The following TMEM265 variants were observed in gnomAD, a reference collection of about 807,000 sequenced individuals.
TMEM265 encodes the protein transmembrane protein 265.
In TMEM265, 8 loss-of-function variants were observed where a neutral mutation model predicts 9.5. The observed-to-expected ratio is 0.84, with a 90% CI of 0.49 to 1.52. The LOEUF (loss-of-function observed/expected upper bound fraction) is 1.52. TMEM265 is among the 40% of genes most tolerant of loss of function. TMEM265 has a pLI of 0.00. For missense variants in TMEM265, 152 were observed against 146.2 expected (o/e 1.04, Z -0.21); for synonymous variants, 53 against 56.9 (o/e 0.93, Z 0.31).
At position 30,744,042 on chromosome 16, in the gene TMEM265, T is replaced by G; in HGVS notation, c.*99T>G. 7.3e-7 allele frequency: 1 copy of G among 1,365,314 alleles called. No homozygotes were observed. The highest frequency in any genetic ancestry group is 9.8e-7 in the Non-Finnish European group (1 of 1,023,104). The allele number at this position is 1,365,314 out of a possible 1,614,324, so 84.6% of individuals were successfully genotyped here. A position where few individuals can be genotyped will look rare whatever the true frequency, so the allele number is the denominator to read the frequency against. ...ACAGCAGTGGTTGGAAGGATCCTGG[T>G]TGGAAGGATGGGGACTCTCTCAAGG... is the stretch of plus-strand genomic sequence containing the variant. On this transcript the variant is annotated 3_prime_UTR_variant, in exon 3 of 3. Coordinates refer to ENST00000615541, the MANE Select transcript of TMEM265 (RefSeq NM_001256829.2).
At chr16:30,742,755 G>A (rs889788638) in intron 2 of TMEM265, among the ~76,000 whole-genome samples, 1 of 151,518 alleles carries the variant, frequency 6.6e-6, no homozygotes, top group Non-Finnish European at 1.5e-5. Context: ...GTAAAACCCC[G>A]TCTCTACTAA....
In TMEM265 at chr16:30,743,809, T is replaced by C. The variant is rs2151303261; in HGVS notation, c.193T>C (p.Ser65Pro). The change falls in exon 3 of 3, where the codon TCC becomes CCC. Residue 65 changes from serine to proline, a missense_variant. Transcript: ENST00000615541. ...GGAAGAGCGGCATAAAGCAGGCCGG[T>C]CCGAGGAGGCAGTGCGCTGGGGGGC... Reference protein sequence around the residue: ...KAEERHKAGRSEEAVRWGARA... With the variant: ...KAEERHKAGRPEEAVRWGARA... 6.5e-7 allele frequency: 1 copy of C among 1,533,272 alleles called. No homozygotes were observed. The highest frequency in any genetic ancestry group is 8.7e-7 in the Non-Finnish European group (1 of 1,146,384). 95.0% of individuals were successfully genotyped at this position (1,533,272 alleles called of 1,614,324 possible). A position where few individuals can be genotyped will look rare whatever the true frequency, so the allele number is the denominator to read the frequency against.
rs1188642998 is a variant in TMEM265, at chr16:30,741,891, C to G, written c.148C>G (p.Leu50Val). The G allele has an allele frequency of 6.5e-7, 1 of 1,533,854 alleles. No individual in the cohort carries two copies. The highest frequency in any genetic ancestry group is 8.7e-7 in the Non-Finnish European group (1 of 1,146,690). Residue 50 changes from leucine to valine, a missense_variant, in exon 2 of 3, where the codon CTG becomes GTG. Coordinates refer to ENST00000615541, the MANE Select transcript of TMEM265 (RefSeq NM_001256829.2). ...CTGCTCTTGCCTGGGAGTCATGGCTCTGGTGTTTGCCATCAAGGTGAGGAG... is the reference window on the plus strand; with the variant it reads ...CTGCTCTTGCCTGGGAGTCATGGCTGTGGTGTTTGCCATCAAGGTGAGGAG... ...CGCSCLGVMA[L>V]VFAIKAEERH... is the part of the protein sequence containing the mutation.
chr16:30,743,694 C>G (rs562059827), intron 2 of TMEM265, 88 bp from the exon 3 acceptor site: 13 of 1,394,838 alleles, frequency 9.3e-6, no homozygotes, highest in Non-Finnish European at 1.2e-5. Flanking sequence ...GATTTTGATC[C>G]GTGACAGGGA....
In TMEM265 at chr16:30,741,927, A is replaced by G; in HGVS notation, c.165+19A>G. On this transcript the variant is annotated intron_variant, in intron 2 of 2. Coordinates refer to ENST00000615541, the MANE Select transcript of TMEM265 (RefSeq NM_001256829.2). ...CATCAAGGTGAGGAGTGCAATTCCCATGGGAATGGGGGTGGGTATAAGGCA... is the reference window on the plus strand; with the variant it reads ...CATCAAGGTGAGGAGTGCAATTCCCGTGGGAATGGGGGTGGGTATAAGGCA... 1 of 1,531,966 alleles carries G rather than the reference A, an allele frequency of 6.5e-7. No individual in the cohort carries two copies. Among genetic ancestry groups the G allele is most frequent in the South Asian group, 1.2e-5 (1 of 83,918 alleles). 94.9% of individuals were successfully genotyped at this position (1,531,966 alleles called of 1,614,324 possible). A position where few individuals can be genotyped will look rare whatever the true frequency, so the allele number is the denominator to read the frequency against.
chr16:30,741,795 C>A lies in TMEM265; in HGVS notation c.52C>A (p.His18Asn), dbSNP rs745894494. 1 of 1,531,800 alleles carries A rather than the reference C, an allele frequency of 6.5e-7. No homozygotes were observed. The highest frequency in any genetic ancestry group is 1.4e-5 in the African/African-American group (1 of 72,478). 94.9% of individuals were successfully genotyped at this position (1,531,800 alleles called of 1,614,324 possible). Residue 18 changes from histidine to asparagine, a missense_variant, in exon 2 of 3, where the codon CAT (histidine) becomes AAT (asparagine). Physicochemically the swap from His to Asn is moderately conservative, Grantham distance 68. Transcript: ENST00000615541. ...VEILGNTEAAHPPSPIRCCWL... is the reference protein window; with the variant it reads ...VEILGNTEAANPPSPIRCCWL... Reference sequence around the variant, plus strand: ...GATCTTGGGCAACACGGAAGCTGCTCATCCTCCATCCCCCATCCGCTGCTG... The same window carrying A: ...GATCTTGGGCAACACGGAAGCTGCTAATCCTCCATCCCCCATCCGCTGCTG...
intron 2 of TMEM265, among the ~76,000 whole-genome samples, chr16:30,743,113 G>A (rs748730068): frequency 6.6e-6 from 1 of 152,066 alleles, no homozygotes; most frequent in Non-Finnish European, 1.5e-5. Flanking sequence ...GAGGCTGGGC[G>A]CAGTGGCTCA....
At chr16:30,740,948 T>TG (rs1316032967) in intron 1 of TMEM265, 3 of 152,106 alleles carry the variant, frequency 2.0e-5, no homozygotes, top group African/African-American at 7.2e-5. Context: ...GGGGAATGGT[T>TG]GGAGATAAGG....
intron 1 of TMEM265, chr16:30,741,058 T>C (rs2053219796): frequency 6.6e-6 from 1 of 152,232 alleles, no homozygotes; most frequent in East Asian, 1.9e-4. Context: ...TGTGTGGTAA[T>C]GAGGTCATTT....
intron 1 of TMEM265, chr16:30,741,373 C>T (rs2053223545): frequency 5.8e-6 from 1 of 171,824 alleles, no homozygotes; most frequent in Non-Finnish European, 1.2e-5. Context: ...ATTGTAGAGT[C>T]CTTTGAAATA....
chr16:30,742,971 G>C (rs2053234651), intron 2 of TMEM265, among the ~76,000 whole-genome samples: 1 of 151,164 alleles, frequency 6.6e-6, no homozygotes, highest in Non-Finnish European at 1.5e-5. Flanking sequence ...CTTTAGGAAA[G>C]GCTACACAGG....
chr16:30,742,117 G>A (rs2053230438), intron 2 of TMEM265, among the ~76,000 whole-genome samples: 1 of 152,324 alleles, frequency 6.6e-6, no homozygotes, highest in Non-Finnish European at 1.5e-5. Flanking sequence ...ATAGAATGCA[G>A]TTCATCAGTA....
Position 30,741,914 on chromosome 16 carries a change from G to A in TMEM265, c.165+6G>A. On this transcript the variant is annotated splice_donor_region_variant and intron_variant, in intron 2 of 2. Transcript: ENST00000615541. ...CTCTGGTGTTTGCCATCAAGGTGAG[G>A]AGTGCAATTCCCATGGGAATGGGGG... is the stretch of plus-strand genomic sequence containing the variant. 2 of 1,533,572 alleles carry A rather than the reference G, an allele frequency of 1.3e-6. No individual in the cohort carries two copies. The highest frequency in any genetic ancestry group is 8.7e-7 in the Non-Finnish European group (1 of 1,146,376). 95.0% of individuals were successfully genotyped at this position (1,533,572 alleles called of 1,614,324 possible).
Position 30,744,068 on chromosome 16 carries a change from G to C in TMEM265, c.*125G>C. Reference sequence around the variant, plus strand: ...TGGAAGGATGGGGACTCTCTCAAGGGGCTTTGGAAGAGCTCTTCTAGCCCT... The same window carrying C: ...TGGAAGGATGGGGACTCTCTCAAGGCGCTTTGGAAGAGCTCTTCTAGCCCT... On this transcript the variant is annotated 3_prime_UTR_variant, in exon 3 of 3. Coordinates refer to ENST00000615541, the MANE Select transcript of TMEM265 (RefSeq NM_001256829.2). 8.8e-7 allele frequency: 1 copy of C among 1,142,350 alleles called. No individual in the cohort carries two copies. Among genetic ancestry groups the C allele is most frequent in the Non-Finnish European group, 1.2e-6 (1 of 830,758 alleles). The allele number at this position is 1,142,350 out of a possible 1,614,324, so 70.8% of individuals were successfully genotyped here.
At position 30,741,882 on chromosome 16, in the gene TMEM265, G is replaced by A; in HGVS notation, c.139G>A (p.Val47Ile). 1 of 1,533,954 alleles carries A rather than the reference G, an allele frequency of 6.5e-7. No individual in the cohort carries two copies. Among genetic ancestry groups the A allele is most frequent in the Non-Finnish European group, 8.7e-7 (1 of 1,146,736 alleles). ...TATCTGTGGCTGCTCTTGCCTGGGA[G>A]TCATGGCTCTGGTGTTTGCCATCAA... ...SIICGCSCLG[V>I]MALVFAIKAE... Residue 47 changes from valine to isoleucine, a missense_variant, in exon 2 of 3, where the codon GTC becomes ATC. By Grantham distance (29) the Val-to-Ile change is conservative (BLOSUM62 3). Transcript: ENST00000615541.
rs1219407720 is a variant in TMEM265 at position 30,743,445 on chromosome 16, G to A, written c.166-337G>A. Among the ~76,000 whole-genome samples, 5 of 152,118 alleles carry A rather than the reference G, an allele frequency of 3.3e-5. 1 individual carries two copies. Among genetic ancestry groups the A allele is most frequent in the African/African-American group, 1.2e-4 (5 of 41,424 alleles). ...GGGCTATGAGAATGAGGTGGTGTTTGGGCATGAGTGAAGTTACTCTAGCCT... is the reference window on the plus strand; with the variant it reads ...GGGCTATGAGAATGAGGTGGTGTTTAGGCATGAGTGAAGTTACTCTAGCCT... On this transcript the variant is annotated intron_variant, in intron 2 of 2. Transcript: ENST00000615541.
In TMEM265 at chr16:30,744,012, C is replaced by T; in HGVS notation, c.*69C>T. The T allele has an allele frequency of 1.4e-6, 2 of 1,466,514 alleles. No individual in the cohort carries two copies. Among genetic ancestry groups the T allele is most frequent in the Middle Eastern group, 2.5e-4 (1 of 4,062 alleles). 90.8% of individuals were successfully genotyped at this position (1,466,514 alleles called of 1,614,324 possible). A position where few individuals can be genotyped will look rare whatever the true frequency, so the allele number is the denominator to read the frequency against. On this transcript the variant is annotated 3_prime_UTR_variant, in exon 3 of 3. Coordinates refer to ENST00000615541, the MANE Select transcript of TMEM265 (RefSeq NM_001256829.2). ...CCTGCAATGCGGCATTGCTAAGGTCCTGTGACAGCAGTGGTTGGAAGGATC... is the reference window on the plus strand; with the variant it reads ...CCTGCAATGCGGCATTGCTAAGGTCTTGTGACAGCAGTGGTTGGAAGGATC...
At chr16:30,741,388 T>C (rs1351875190) in intron 1 of TMEM265, 1 of 188,954 alleles carries the variant, frequency 5.3e-6, no homozygotes, top group Non-Finnish European at 1.1e-5. Context: ...GAAATACAGA[T>C]TAAAATAACA....
chr16:30,743,951 T>C lies in TMEM265; in HGVS notation c.*8T>C, dbSNP rs2053241007. On this transcript the variant is annotated 3_prime_UTR_variant, in exon 3 of 3. Coordinates refer to ENST00000615541, the MANE Select transcript of TMEM265 (RefSeq NM_001256829.2). ...ATCGCTCAGGCTGAGTGACCCTGGA[T>C]GGCCTCTGCTGAGAGCCAGCCGAGA... The C allele has an allele frequency of 7.8e-6, 12 of 1,531,886 alleles. No homozygotes were observed. The highest frequency in any genetic ancestry group is 1.0e-5 in the Non-Finnish European group (12 of 1,145,370). 94.9% of individuals were successfully genotyped at this position (1,531,886 alleles called of 1,614,324 possible).
Sources: allele counts gnomAD v4.1 joint callset (sites outside exome capture counted in the v4.1 genomes callset), GRCh38; gene constraint gnomAD v4.1.1; transcripts MANE v1.5; gene names NCBI Gene and HGNC (gene_info 2026-07-23, HGNC 2026-07-21).